The following DDHD1 variants were observed in gnomAD, a reference collection of about 807,000 sequenced individuals.
DDHD1 encodes phospholipase DDHD1.
In DDHD1, 49 loss-of-function variants were observed where a neutral mutation model predicts 96.4. That is an observed-to-expected ratio of 0.51 (90% CI 0.40 to 0.64). The LOEUF (loss-of-function observed/expected upper bound fraction) is 0.64. DDHD1 is among the 30% of genes least tolerant of loss of function. The pLI, the probability that DDHD1 is intolerant of heterozygous loss-of-function variation, is 0.00. For missense variants in DDHD1, 1,106 were observed against 1,161.2 expected, an observed-to-expected ratio of 0.95 and a Z score of 0.69; for synonymous variants, 442 against 446.5, an observed-to-expected ratio of 0.99 and a Z score of 0.13.
rs1881970641 is a variant in DDHD1, at chr14:53,045,851, T to C, written c.*917A>G. The C allele has an allele frequency of 1.3e-5, 2 of 152,212 alleles. No homozygotes were observed. The highest frequency in any genetic ancestry group is 6.5e-5 in the Admixed American group (1 of 15,280). The allele number at this position is 152,212 out of a possible 1,614,324, so 9.4% of individuals were successfully genotyped here. ...ATGTTGTTTGGCACACAAATGTTTA[T>C]ACATTTAAAATAGCTGTCATACTAC... is the stretch of plus-strand genomic sequence containing the variant. On this transcript the variant is annotated 3_prime_UTR_variant, in exon 13 of 13. Transcript: ENST00000673822.
intron 4 of DDHD1, among the ~76,000 whole-genome samples, chr14:53,083,749 G>A (rs143895064): frequency 6.6e-6 from 1 of 152,032 alleles, no homozygotes; most frequent in East Asian, 1.9e-4. Flanking sequence ...GCAGGGAAAT[G>A]GTAAGAAATC....
intron 2 of DDHD1, 200 bp from the exon 3 acceptor site, chr14:53,093,644 A>T: frequency 1.8e-6 from 1 of 570,756 alleles, no homozygotes; most frequent in Non-Finnish European, 2.8e-6. Context: ...ATAAATGATT[A>T]ATCCTGCTAC....
intron 4 of DDHD1, among the ~76,000 whole-genome samples, chr14:53,078,059 T>C (rs1885128717): frequency 6.6e-6 from 1 of 152,198 alleles, no homozygotes. Flanking sequence ...CTTCCATTTT[T>C]GGGCTATCAT....
intron 1 of DDHD1, among the ~76,000 whole-genome samples, chr14:53,126,863 T>C (rs971955020): frequency 6.6e-6 from 1 of 152,236 alleles, no homozygotes; most frequent in African/African-American, 2.4e-5. Flanking sequence ...GCACAGCGTT[T>C]AGAAGATGGC....
At chr14:53,132,211 C>A (rs1008711753) in intron 1 of DDHD1, among the ~76,000 whole-genome samples, 4 of 152,150 alleles carry the variant, frequency 2.6e-5, no homozygotes, top group Non-Finnish European at 1.5e-5. Context: ...AAGCGCAGGG[C>A]TGTGTGGTCA....
At chr14:53,140,048 G>A (rs1890535441) in intron 1 of DDHD1, among the ~76,000 whole-genome samples, 1 of 151,882 alleles carries the variant, frequency 6.6e-6, no homozygotes, top group Admixed American at 6.6e-5. Context: ...AAAATGGTAA[G>A]ATAGATAAAG....
At chr14:53,141,122 G>A (rs1017903681) in intron 1 of DDHD1, among the ~76,000 whole-genome samples, 3 of 152,180 alleles carry the variant, frequency 2.0e-5, no homozygotes, top group Non-Finnish European at 4.4e-5. Context: ...TTATAGTGGA[G>A]ACTTTATCCT....
chr14:53,133,274 A>G lies in DDHD1; in HGVS notation c.838+18987T>C, dbSNP rs533918574. ...CTCACATGCCTCGAGTCAGGAAACTATAATACCTCTTGGTCTGGGTAAACA... is the reference window on the plus strand; with the variant it reads ...CTCACATGCCTCGAGTCAGGAAACTGTAATACCTCTTGGTCTGGGTAAACA... On this transcript the variant is annotated intron_variant, in intron 1 of 12. Coordinates refer to ENST00000673822, the MANE Select transcript of DDHD1 (RefSeq NM_001160148.2). Among the ~76,000 whole-genome samples, 4 of 152,306 alleles carry G rather than the reference A, an allele frequency of 2.6e-5. No homozygotes were observed. In the East Asian group the frequency reaches 5.8e-4, roughly 22 times the overall value.
chr14:53,147,654 G>C (rs1280367322), intron 1 of DDHD1, among the ~76,000 whole-genome samples: 1 of 152,134 alleles, frequency 6.6e-6, no homozygotes, highest in Non-Finnish European at 1.5e-5. Context: ...ACTTGATCTA[G>C]GATGAGGTGG....
intron 1 of DDHD1, among the ~76,000 whole-genome samples, chr14:53,150,682 C>T (rs1891281779): frequency 6.6e-6 from 1 of 152,084 alleles, no homozygotes; most frequent in South Asian, 2.1e-4. Flanking sequence ...AGTCTTGGTA[C>T]TTCTATCTTC....
In DDHD1 at chr14:53,046,523, G is replaced by T. The variant is rs1312741320; in HGVS notation, c.*245C>A. On this transcript the variant is annotated 3_prime_UTR_variant, in exon 13 of 13. Transcript: ENST00000673822. ...TTACCCAAACCTTCTTCACATCCAG[G>T]TCTTGCTTGATTCTCTGGAGAAGGT... 15 of 287,546 alleles carry T rather than the reference G, an allele frequency of 5.2e-5. No individual in the cohort carries two copies. Among genetic ancestry groups the T allele is most frequent in the Non-Finnish European group, 9.0e-5 (14 of 155,352 alleles). The allele number at this position is 287,546 out of a possible 1,614,324, so 17.8% of individuals were successfully genotyped here.
In DDHD1 at chr14:53,140,557, C is replaced by G. The variant is rs549973172; in HGVS notation, c.838+11704G>C. 2.0e-5 allele frequency among the ~76,000 whole-genome samples: 3 copies of G among 152,038 alleles called. No homozygotes were observed. The East Asian group carries it at 5.8e-4, about 29-fold the overall frequency. ...AAAAATAAACAACCAACCAAAAAAACTCAGAGAACACAAACCTAGACAAAT... is the reference window on the plus strand; with the variant it reads ...AAAAATAAACAACCAACCAAAAAAAGTCAGAGAACACAAACCTAGACAAAT... On this transcript the variant is annotated intron_variant, in intron 1 of 12. Coordinates refer to ENST00000673822, the MANE Select transcript of DDHD1 (RefSeq NM_001160148.2).
rs1301498767 is a variant in DDHD1 at position 53,043,629 on chromosome 14, T to A, written c.*3139A>T. 1 of 152,172 alleles carries A rather than the reference T, an allele frequency of 6.6e-6. No individual in the cohort carries two copies. Among genetic ancestry groups the A allele is most frequent in the Admixed American group, 6.6e-5 (1 of 15,258 alleles). 9.4% of individuals were successfully genotyped at this position (152,172 alleles called of 1,614,324 possible). ...TTTTTGTAGAGTCTGGGTTTCACCA[T>A]GTTGTCCAGGTTGGTTTTCAACTCT... On this transcript the variant is annotated 3_prime_UTR_variant, in exon 13 of 13. Transcript: ENST00000673822.
At chr14:53,054,755 G>GCT in intron 10 of DDHD1, 126 bp from the exon 11 acceptor site, 1 of 787,428 alleles carries the variant, frequency 1.3e-6, no homozygotes. Flanking sequence ...TCCAGGGTGG[G>GCT]AACATAAGAA....
intron 2 of DDHD1, among the ~76,000 whole-genome samples, chr14:53,099,805 T>A (rs2139706632): frequency 6.6e-6 from 1 of 152,250 alleles, no homozygotes; most frequent in South Asian, 2.1e-4. Context: ...AAGAAGAAAA[T>A]CAATTTTCAT....
Position 53,135,949 on chromosome 14 carries a change from G to A in DDHD1, c.838+16312C>T, listed in dbSNP as rs186010711. ...CCATCATATCTCCTGTGACCTGCAC[G>A]TATACATCCAGATTACCTGAAGCAA... On this transcript the variant is annotated intron_variant, in intron 1 of 12. Transcript: ENST00000673822. Among the ~76,000 whole-genome samples the A allele has an allele frequency of 1.6e-3, 251 of 152,326 alleles. 1 individual carries two copies. Among genetic ancestry groups the A allele is most frequent in the Middle Eastern group, 0.01 (3 of 292 alleles).
chr14:53,074,934 AT>A (rs1884827519), intron 4 of DDHD1, among the ~76,000 whole-genome samples: 1 of 152,102 alleles, frequency 6.6e-6, no homozygotes, highest in South Asian at 2.1e-4. Context: ...TCTCATTATT[AT>A]TACATCCACT....
chr14:53,069,708 T>C (rs1214404650), intron 6 of DDHD1, among the ~76,000 whole-genome samples: 1 of 152,200 alleles, frequency 6.6e-6, no homozygotes, highest in East Asian at 1.9e-4. Flanking sequence ...CACATGCATA[T>C]TTTAGAAATT....
chr14:53,059,863 CAAAAAAAAA>C (rs60708379), intron 8 of DDHD1, among the ~76,000 whole-genome samples: 1 of 18,514 alleles, frequency 5.4e-5, no homozygotes, highest in African/African-American at 1.5e-4. Flanking sequence ...GACTCTGTCT[CAAAAAAAAA>C]AAAAAAAAAA....
Sources: gnomAD v4.1 joint callset for allele counts (sites outside exome capture counted in the v4.1 genomes callset) on GRCh38, gnomAD v4.1.1 for gene constraint, MANE v1.5 for transcripts, NCBI Gene and HGNC (gene_info 2026-07-23, HGNC 2026-07-21) for gene names.